Variants in KLHL29 observed in about 807,000 individuals in gnomAD.
KLHL29 encodes kelch-like protein 29.
A neutral mutation model predicts 80.4 loss-of-function variants in KLHL29; 21 were observed. The ratio of observed to expected loss-of-function variants is 0.26; its 90% CI spans 0.19 to 0.38. The LOEUF is 0.38. Ranked by LOEUF, KLHL29 falls within the 10% of genes least tolerant of loss-of-function variation. KLHL29 has a pLI of 1.00. For synonymous variants in KLHL29, 511 were observed against 526.8 expected, an observed-to-expected ratio of 0.97 and a Z score of 0.41; for missense variants, 867 against 1,223.9, an observed-to-expected ratio of 0.71 and a Z score of 4.35.
At chr2:23,490,450 G>A (rs1215147763) in intron 2 of KLHL29, among the ~76,000 whole-genome samples, 1 of 152,174 alleles carries the variant, frequency 6.6e-6, no homozygotes, top group Non-Finnish European at 1.5e-5. Flanking sequence ...TTCCTACTCT[G>A]CAGGATAAAT....
At chr2:23,519,327 C>T (rs1013967838) in intron 2 of KLHL29, among the ~76,000 whole-genome samples, 3 of 151,938 alleles carry the variant, frequency 2.0e-5, no homozygotes, top group Non-Finnish European at 4.4e-5. Flanking sequence ...CCCCGTCCTC[C>T]CCTCCCCCCC....
In KLHL29 at chr2:23,425,589, T is replaced by C. The variant is rs571826081; in HGVS notation, c.-154+39809T>C. 1.1e-4 allele frequency among the ~76,000 whole-genome samples: 17 copies of C among 152,188 alleles called. No homozygotes were observed. In the South Asian group the frequency reaches 1.5e-3, roughly 13 times the overall value. ...GCCCCCTGCCTGCGTCCTACCCTGGTGTGGGGATAGGGAGTGAGCTGGAGA... is the reference window on the plus strand; with the variant it reads ...GCCCCCTGCCTGCGTCCTACCCTGGCGTGGGGATAGGGAGTGAGCTGGAGA... On this transcript the variant is annotated intron_variant, in intron 1 of 13. Transcript: ENST00000486442.
chr2:23,444,956 AC>A (rs974451195), intron 1 of KLHL29, among the ~76,000 whole-genome samples: 88 of 152,366 alleles, frequency 5.8e-4, no homozygotes, highest in African/African-American at 2.0e-3. Flanking sequence ...AAAATATAAA[AC>A]ATTATATAGC....
intron 1 of KLHL29, among the ~76,000 whole-genome samples, chr2:23,468,555 G>C (rs762739991): frequency 1.3e-5 from 2 of 152,064 alleles, no homozygotes; most frequent in African/African-American, 4.8e-5. Flanking sequence ...CCCCCTCCCC[G>C]CCGAGCATCA....
intron 1 of KLHL29, among the ~76,000 whole-genome samples, chr2:23,471,846 C>T (rs997457089): frequency 2.6e-5 from 4 of 152,128 alleles, no homozygotes; most frequent in African/African-American, 9.7e-5. Flanking sequence ...ATTCATTTTC[C>T]CAGGCCATGA....
chr2:23,694,186 C>A (rs746241355), intron 8 of KLHL29, among the ~76,000 whole-genome samples: 18 of 152,362 alleles, frequency 1.2e-4, no homozygotes, highest in Non-Finnish European at 5.9e-5. Flanking sequence ...GAATGTCCTG[C>A]AGATCCGTCT....
At chr2:23,652,334 G>A (rs148220865) in intron 5 of KLHL29, among the ~76,000 whole-genome samples, 4 of 152,328 alleles carry the variant, frequency 2.6e-5, no homozygotes, top group African/African-American at 9.6e-5. Context: ...TGGGAACTAA[G>A]CAGGAACCAC....
chr2:23,530,699 C>G (rs1480590721), intron 2 of KLHL29, among the ~76,000 whole-genome samples: 1 of 152,208 alleles, frequency 6.6e-6, no homozygotes, highest in African/African-American at 2.4e-5. Context: ...CTCCCATCAC[C>G]TCAAGATGCT....
Position 23,696,451 on chromosome 2 carries a change from C to T in KLHL29, c.2043C>T (p.Tyr681=), listed in dbSNP as rs763983130. 52 of 1,550,438 alleles carry T rather than the reference C, an allele frequency of 3.4e-5. 1 individual carries two copies. Among genetic ancestry groups the T allele is most frequent in the East Asian group, 2.4e-5 (1 of 40,934 alleles). Reference sequence around the variant, plus strand: ...GCTGTCGGCACAATAGCCTCGTCTACGATGGGAAGATTTACACCCTCGGGG... The same window carrying T: ...GCTGTCGGCACAATAGCCTCGTCTATGATGGGAAGATTTACACCCTCGGGG... ...VPRCRHNSLV[Y]DGKIYTLGGL... is the part of the protein sequence containing the mutation. Residue 681 remains tyrosine, a synonymous_variant, in exon 11 of 14, where the codon TAC becomes TAT. Transcript: ENST00000486442. The surrounding 1 kb of genome is among the most constrained non-coding windows in gnomAD (Gnocchi z 5.5).
At chr2:23,406,491 A>C (rs1270880699) in intron 1 of KLHL29, among the ~76,000 whole-genome samples, 1 of 152,154 alleles carries the variant, frequency 6.6e-6, no homozygotes, top group Admixed American at 6.5e-5. Flanking sequence ...TATACAACAC[A>C]CATTGCCTCA....
intron 2 of KLHL29, among the ~76,000 whole-genome samples, chr2:23,512,459 G>T (rs746499373): frequency 6.7e-6 from 1 of 149,242 alleles, no homozygotes; most frequent in Non-Finnish European, 1.5e-5. Flanking sequence ...AAAAAAAAAA[G>T]ATTGGGATGA....
intron 2 of KLHL29, among the ~76,000 whole-genome samples, chr2:23,483,974 C>T (rs1214641497): frequency 6.6e-6 from 1 of 152,210 alleles, no homozygotes; most frequent in Non-Finnish European, 1.5e-5. Flanking sequence ...CGTGTCAAGC[C>T]AGGCATTGAC....
chr2:23,475,726 G>T, intron 2 of KLHL29, 59 bp downstream of exon 2: 1 of 166,618 alleles, frequency 6.0e-6, no homozygotes. Context: ...AGCATAGCCA[G>T]CTCTCTCCTC....
rs376359537 is a variant in KLHL29, at chr2:23,596,640, G to A, written c.285+34159G>A. On this transcript the variant is annotated intron_variant, in intron 3 of 13. Coordinates refer to ENST00000486442, the MANE Select transcript of KLHL29 (RefSeq NM_052920.2). This position sits in a 1 kb window ranked among gnomAD's most constrained non-coding sequence, Gnocchi z 4.4. ...ATGTCTGGGGACGTATGCTGCCATCGTGGGAATGTGCCTCTTTAGCACGCC... is the reference window on the plus strand; with the variant it reads ...ATGTCTGGGGACGTATGCTGCCATCATGGGAATGTGCCTCTTTAGCACGCC... Among the ~76,000 whole-genome samples, 10 of 152,302 alleles carry A rather than the reference G, an allele frequency of 6.6e-5. No individual in the cohort carries two copies. Among genetic ancestry groups the A allele is most frequent in the East Asian group, 3.9e-4 (2 of 5,184 alleles).
At chr2:23,564,567 G>T (rs1481664731) in intron 3 of KLHL29, among the ~76,000 whole-genome samples, 1 of 152,232 alleles carries the variant, frequency 6.6e-6, no homozygotes, top group East Asian at 1.9e-4. Flanking sequence ...GGACAGCAGT[G>T]CTGGCTTCCC....
At chr2:23,419,038 G>A (rs544849906) in intron 1 of KLHL29, among the ~76,000 whole-genome samples, 13 of 152,190 alleles carry the variant, frequency 8.5e-5, no homozygotes, top group East Asian at 5.8e-4. Context: ...CTCCTGCCCC[G>A]TCACACGCCC....
rs140214254 is a variant in KLHL29, at chr2:23,425,385, G to A, written c.-154+39605G>A. 3.5e-4 allele frequency among the ~76,000 whole-genome samples: 54 copies of A among 152,246 alleles called. No individual in the cohort carries two copies. The East Asian group carries it at 8.9e-3, about 25-fold the overall frequency. On this transcript the variant is annotated intron_variant, in intron 1 of 13. Transcript: ENST00000486442. ...TGAGGGTGGGGAACAACCAGTCCCCGCCTGCTAAGGAATGTATGGCTTCCT... is the reference window on the plus strand; with the variant it reads ...TGAGGGTGGGGAACAACCAGTCCCCACCTGCTAAGGAATGTATGGCTTCCT...
intron 7 of KLHL29, among the ~76,000 whole-genome samples, chr2:23,692,879 C>T (rs1671709471): frequency 6.6e-6 from 1 of 152,208 alleles, no homozygotes. Context: ...GGACCACAGA[C>T]ATGCCTGGCA....
intron 3 of KLHL29, among the ~76,000 whole-genome samples, chr2:23,602,808 TG>T (rs1228908854): frequency 6.6e-6 from 1 of 151,962 alleles, no homozygotes; most frequent in Non-Finnish European, 1.5e-5. Context: ...AGGGAAGACC[TG>T]GAAGTGTATG....
Sources: allele counts gnomAD v4.1 joint callset (sites outside exome capture counted in the v4.1 genomes callset), GRCh38; gene constraint gnomAD v4.1.1; non-coding constraint Gnocchi (gnomAD v3.1); transcripts MANE v1.5; gene names NCBI Gene and HGNC (gene_info 2026-07-23, HGNC 2026-07-21).